Variants in NRXN3 observed in about 807,000 individuals in gnomAD.
NRXN3 encodes neurexin 3.
In NRXN3, 32 loss-of-function variants were observed where a neutral mutation model predicts 137.6. The ratio of observed to expected loss-of-function variants is 0.23; its 90% CI spans 0.18 to 0.31. NRXN3 has a LOEUF of 0.31. NRXN3 is among the 10% of genes least tolerant of loss of function. NRXN3 has a pLI of 1.00. For synonymous variants in NRXN3, 798 were observed against 784.5 expected (o/e 1.02, Z -0.29); for missense variants, 1,574 against 2,062.5 (o/e 0.76, Z 4.59).
intron 2 of NRXN3, among the ~76,000 whole-genome samples, chr14:78,259,709 C>T (rs940520217): frequency 1.3e-5 from 2 of 152,172 alleles, no homozygotes; most frequent in Non-Finnish European, 2.9e-5. Flanking sequence ...TGGTTGCCTG[C>T]TTGCTGCCCT....
chr14:78,737,005 A>C (rs1266120077), intron 8 of NRXN3, among the ~76,000 whole-genome samples: 1 of 152,114 alleles, frequency 6.6e-6, no homozygotes, highest in Non-Finnish European at 1.5e-5. Flanking sequence ...TTTTTGGGAA[A>C]ATTTAGCACT....
intron 16 of NRXN3, among the ~76,000 whole-genome samples, chr14:79,587,696 G>A (rs1009887604): frequency 2.6e-5 from 4 of 152,146 alleles, no homozygotes; most frequent in African/African-American, 7.2e-5. Flanking sequence ...GGATTAAGAC[G>A]TATCACAAAT....
Position 78,535,710 on chromosome 14 carries a change from CT to C in NRXN3, c.758-109409del, listed in dbSNP as rs144040734. Among the ~76,000 whole-genome samples the C allele has an allele frequency of 4.2e-3, 636 of 152,308 alleles. 7 individuals are homozygous for C. The highest frequency in any genetic ancestry group is 0.014 in the African/African-American group (597 of 41,550). ...ACTTAAATCCTGTATTCGTTTCTTA[CT>C]GTCTGTATTGTGTTGGGTAAAGCAA... On this transcript the variant is annotated intron_variant, in intron 4 of 20. Transcript: ENST00000335750.
At chr14:79,189,919 T>C (rs1458714889) in intron 15 of NRXN3, among the ~76,000 whole-genome samples, 1 of 152,212 alleles carries the variant, frequency 6.6e-6, no homozygotes, top group African/African-American at 2.4e-5. Flanking sequence ...TTTTTCTTCC[T>C]TGAGAAAGAT....
intron 16 of NRXN3, among the ~76,000 whole-genome samples, chr14:79,576,533 G>GGA (rs1479637215): frequency 6.6e-6 from 1 of 152,156 alleles, no homozygotes; most frequent in Non-Finnish European, 1.5e-5. Flanking sequence ...CAATGGAATG[G>GGA]GAGAGCTCTC....
At chr14:78,339,820 A>G (rs1430485813) in intron 4 of NRXN3, among the ~76,000 whole-genome samples, 1 of 152,156 alleles carries the variant, frequency 6.6e-6, no homozygotes, top group South Asian at 2.1e-4. Context: ...TTCCTGAAGA[A>G]AAGTAGATGA....
At chr14:78,924,830 T>G (rs542090264) in intron 10 of NRXN3, among the ~76,000 whole-genome samples, 3 of 152,252 alleles carry the variant, frequency 2.0e-5, no homozygotes, top group East Asian at 3.9e-4. Context: ...AAGGGATTGT[T>G]TAGACCCTAG....
intron 15 of NRXN3, among the ~76,000 whole-genome samples, chr14:79,160,038 A>G (rs115935150): frequency 5.3e-5 from 8 of 152,000 alleles, no homozygotes; most frequent in Non-Finnish European, 1.2e-4. Context: ...CTGGCTAGAA[A>G]GAGTTGAGGT....
chr14:79,612,437 AG>A (rs2098114405), intron 16 of NRXN3, among the ~76,000 whole-genome samples: 1 of 152,194 alleles, frequency 6.6e-6, no homozygotes, highest in Admixed American at 6.5e-5. Flanking sequence ...TAGAAAGTCC[AG>A]GGGAAAGGAC....
chr14:78,535,243 G>GAAGATA (rs2096524024), intron 4 of NRXN3, among the ~76,000 whole-genome samples: 1 of 151,954 alleles, frequency 6.6e-6, no homozygotes, highest in Admixed American at 6.6e-5. Context: ...CTGCTTCTCT[G>GAAGATA]TTTACTGGGC....
intron 4 of NRXN3, among the ~76,000 whole-genome samples, chr14:78,547,173 T>G (rs1418525266): frequency 1.3e-5 from 2 of 152,076 alleles, no homozygotes; most frequent in Middle Eastern, 3.2e-3. Context: ...GTCTGATATC[T>G]ATGAAGTCCA....
At chr14:79,638,384 G>A (rs978035689) in intron 16 of NRXN3, among the ~76,000 whole-genome samples, 4 of 151,962 alleles carry the variant, frequency 2.6e-5, no homozygotes, top group Non-Finnish European at 5.9e-5. Flanking sequence ...GACTTCTTTG[G>A]ATAAAGCCCA....
chr14:79,413,914 C>T (rs17109157), intron 15 of NRXN3, among the ~76,000 whole-genome samples: 2,221 of 134,732 alleles, frequency 0.016, 65 homozygotes, highest in African/African-American at 0.057. Flanking sequence ...AAGCTTATGG[C>T]TCTTTTTGTG....
chr14:78,948,895 G>A lies in NRXN3; in HGVS notation c.2276-8347G>A, dbSNP rs543284127. ...CTGTGAGAACAAACCAGAGAGGAAG[G>A]ATTTTTCAGACAGGCTGACTAGGGT... On this transcript the variant is annotated intron_variant, in intron 10 of 20. Coordinates refer to ENST00000335750, the MANE Select transcript of NRXN3 (RefSeq NM_001330195.2). Among the ~76,000 whole-genome samples, 48 of 152,208 alleles carry A rather than the reference G, an allele frequency of 3.2e-4. 1 individual carries two copies. The highest frequency in any genetic ancestry group is 3.4e-3 in the Middle Eastern group (1 of 294).
In NRXN3 at chr14:79,222,488, CAT is replaced by C. The variant is rs747768714; in HGVS notation, c.3262+234348_3262+234349del. Among the ~76,000 whole-genome samples, 12 of 152,208 alleles carry C rather than the reference CAT, an allele frequency of 7.9e-5. No individual in the cohort carries two copies. In the South Asian group the frequency reaches 1.0e-3, roughly 13 times the overall value. ...TATGAATAAAGCTGCTATGAACACT[CAT>C]GTGTAGATTTTTGTGTGAATATAAG... is the stretch of plus-strand genomic sequence containing the variant. On this transcript the variant is annotated intron_variant, in intron 15 of 20. Coordinates refer to ENST00000335750, the MANE Select transcript of NRXN3 (RefSeq NM_001330195.2).
chr14:78,542,868 C>A (rs918301716), intron 4 of NRXN3, among the ~76,000 whole-genome samples: 4 of 152,140 alleles, frequency 2.6e-5, no homozygotes, highest in African/African-American at 9.7e-5. Context: ...TTTCTAAATA[C>A]CTGTTGGAGT....
At chr14:78,216,229 C>T (rs1425929285) in intron 1 of NRXN3, among the ~76,000 whole-genome samples, 1 of 151,740 alleles carries the variant, frequency 6.6e-6, no homozygotes, top group Admixed American at 6.6e-5. Flanking sequence ...AGTTAATTGT[C>T]TTTTCTGGGG....
At chr14:78,392,951 T>A (rs1043269189) in intron 4 of NRXN3, among the ~76,000 whole-genome samples, 1 of 152,174 alleles carries the variant, frequency 6.6e-6, no homozygotes, top group African/African-American at 2.4e-5. Context: ...TCTAAAGTAT[T>A]GTAAAGTGGG....
At chr14:79,811,807 C>T (rs968585992) in intron 20 of NRXN3, among the ~76,000 whole-genome samples, 3 of 151,922 alleles carry the variant, frequency 2.0e-5, no homozygotes, top group Non-Finnish European at 4.4e-5. Flanking sequence ...TGGTCTCAAT[C>T]TCCTGACCTC....
Sources: gnomAD v4.1 joint callset for allele counts (sites outside exome capture counted in the v4.1 genomes callset) on GRCh38, gnomAD v4.1.1 for gene constraint, MANE v1.5 for transcripts, NCBI Gene and HGNC (gene_info 2026-07-23, HGNC 2026-07-21) for gene names.